The following FNBP1L variants were observed in gnomAD, a reference collection of about 807,000 sequenced individuals.
FNBP1L encodes the protein formin-binding protein 1-like.
In FNBP1L, 36 loss-of-function variants were observed where a neutral mutation model predicts 91.2. The observed-to-expected ratio is 0.39, with a 90% CI of 0.30 to 0.52. The LOEUF is 0.52. FNBP1L is among the 20% of genes least tolerant of loss of function. The probability of loss-of-function intolerance (pLI) is 0.66; values close to 1 mark genes in which losing one functional copy is unlikely to be tolerated. For synonymous variants in FNBP1L, 242 were observed against 237.0 expected, an observed-to-expected ratio of 1.02 and a Z score of -0.19; for missense variants, 571 against 732.1, an observed-to-expected ratio of 0.78 and a Z score of 2.54.
intron 1 of FNBP1L, among the ~76,000 whole-genome samples, chr1:93,491,717 G>T (rs1425915831): frequency 6.6e-6 from 1 of 152,174 alleles, no homozygotes. Flanking sequence ...TTTTAAAGCT[G>T]ATTGCTATTT....
At chr1:93,468,131 A>T (rs530828642) in intron 1 of FNBP1L, among the ~76,000 whole-genome samples, 1 of 152,252 alleles carries the variant, frequency 6.6e-6, no homozygotes, top group South Asian at 2.1e-4. Flanking sequence ...CCCCAGCCCT[A>T]GGAAACCACT....
At chr1:93,526,127 G>A (rs1038882303) in intron 5 of FNBP1L, among the ~76,000 whole-genome samples, 5 of 152,092 alleles carry the variant, frequency 3.3e-5, no homozygotes, top group African/African-American at 1.2e-4. Context: ...GGCAGTACTG[G>A]CATTTAAGAT....
intron 16 of FNBP1L, chr1:93,551,974 G>C: frequency 3.0e-6 from 3 of 990,354 alleles, no homozygotes; most frequent in Non-Finnish European, 3.6e-6. Context: ...GAAGATAGAG[G>C]AAACCTTGAA....
In FNBP1L at chr1:93,546,993, A is replaced by C; in HGVS notation, c.1407+19A>C. The C allele has an allele frequency of 1.2e-6, 2 of 1,600,416 alleles. No individual in the cohort carries two copies. The highest frequency in any genetic ancestry group is 2.3e-5 in the South Asian group (2 of 87,228). ...GAATGAGGTAGATTTGTTATTCAGC[A>C]CTTGTCAAGATAAATTATTTTTATA... On this transcript the variant is annotated intron_variant, in intron 13 of 16. Coordinates refer to ENST00000271234, the MANE Select transcript of FNBP1L (RefSeq NM_001164473.3).
chr1:93,531,045 C>T (rs958801952), intron 7 of FNBP1L, among the ~76,000 whole-genome samples, 162 bp downstream of exon 7: 11 of 152,148 alleles, frequency 7.2e-5, no homozygotes, highest in African/African-American at 2.7e-4. Context: ...TGTTTTCTAA[C>T]TTTTAAGTCA....
intron 2 of FNBP1L, among the ~76,000 whole-genome samples, chr1:93,514,622 C>T (rs1212518565): frequency 2.0e-5 from 3 of 152,200 alleles, no homozygotes; most frequent in Non-Finnish European, 4.4e-5. Flanking sequence ...CGCATGTCTA[C>T]AGCTATCTGA....
At chr1:93,468,670 G>A (rs998727422) in intron 1 of FNBP1L, among the ~76,000 whole-genome samples, 19 of 152,278 alleles carry the variant, frequency 1.2e-4, no homozygotes, top group African/African-American at 4.3e-4. Flanking sequence ...GGCTCAAGCA[G>A]TCTGCCTGCC....
At position 93,530,826 on chromosome 1, in the gene FNBP1L, A is replaced by G; in HGVS notation, c.582A>G (p.Gln194=). ...ENKNEYAAQL[Q]NFNGEQHKHF... ...AAAATGAATATGCTGCACAATTACA[A>G]AACTTTAATGGAGAACAACATAAAC... The change falls in exon 7 of 17, where the codon CAA becomes CAG. Residue 194 remains glutamine (Q), a synonymous_variant. Transcript: ENST00000271234. 2 of 1,567,028 alleles carry G rather than the reference A, an allele frequency of 1.3e-6. No homozygotes were observed. Among genetic ancestry groups the G allele is most frequent in the Middle Eastern group, 1.7e-4 (1 of 5,904 alleles).
chr1:93,465,773 C>A (rs1035117041), intron 1 of FNBP1L, among the ~76,000 whole-genome samples: 2 of 152,178 alleles, frequency 1.3e-5, no homozygotes, highest in African/African-American at 4.8e-5. Context: ...CTTGAGGAAT[C>A]GCCACACTGT....
At chr1:93,465,187 CT>C (rs1388926792) in intron 1 of FNBP1L, among the ~76,000 whole-genome samples, 1 of 18,916 alleles carries the variant, frequency 5.3e-5, no homozygotes, top group Non-Finnish European at 1.3e-4. Flanking sequence ...AGGGTTGTCT[CT>C]TTTTTGGGGG....
intron 2 of FNBP1L, among the ~76,000 whole-genome samples, chr1:93,508,074 G>A (rs550459295): frequency 1.1e-4 from 16 of 151,986 alleles, no homozygotes; most frequent in African/African-American, 3.9e-4. Flanking sequence ...GTTAGCCGGG[G>A]CGGTGGCTAA....
intron 15 of FNBP1L, among the ~76,000 whole-genome samples, chr1:93,550,526 G>A (rs1330080139): frequency 6.6e-6 from 1 of 152,152 alleles, no homozygotes; most frequent in Non-Finnish European, 1.5e-5. Flanking sequence ...TCTCCCTTCA[G>A]ACTCTCTTTT....
chr1:93,528,616 A>C (rs1357000214), intron 5 of FNBP1L, among the ~76,000 whole-genome samples: 1 of 152,170 alleles, frequency 6.6e-6, no homozygotes, highest in Non-Finnish European at 1.5e-5. Flanking sequence ...ACTAGGAAAT[A>C]GGACATCCAA....
chr1:93,549,472 A>G (rs763647653), intron 15 of FNBP1L, 46 bp downstream of exon 15: 22 of 1,423,790 alleles, frequency 1.5e-5, no homozygotes, highest in Non-Finnish European at 2.0e-5. Flanking sequence ...TTGGTTCTTT[A>G]AAAGTATTTA....
rs1442152391 is a variant in FNBP1L at position 93,448,123 on chromosome 1, C to T, written c.-159C>T. 8 of 882,990 alleles carry T rather than the reference C, an allele frequency of 9.1e-6. No individual in the cohort carries two copies. The highest frequency in any genetic ancestry group is 7.2e-5 in the African/African-American group (4 of 55,534). 54.7% of individuals were successfully genotyped at this position (882,990 alleles called of 1,614,324 possible). On this transcript the variant is annotated 5_prime_UTR_variant, in exon 1 of 17. Transcript: ENST00000271234. ...TCGGCGGCGGAGGCTTCTCCAGTCG[C>T]GTCTTTCTCACTCACTGGGGAGCCC...
intron 11 of FNBP1L, 139 bp from the exon 12 acceptor site, chr1:93,543,967 CT>C (rs528425418): frequency 0.013 from 6,018 of 454,156 alleles, 14 homozygotes; most frequent in Non-Finnish European, 0.016. Flanking sequence ...GTGTAGATTT[CT>C]TTTTTTTTTA....
chr1:93,477,952 C>CT lies in FNBP1L; in HGVS notation c.25-21515dup, dbSNP rs535107693. Among the ~76,000 whole-genome samples, 103 of 152,328 alleles carry CT rather than the reference C, an allele frequency of 6.8e-4. 1 individual carries two copies. The highest frequency in any genetic ancestry group is 1.1e-3 in the Non-Finnish European group (77 of 68,030). On this transcript the variant is annotated intron_variant, in intron 1 of 16. Transcript: ENST00000271234. ...TGTGAGTACCATCGATAGACACAGA[C>CT]TAATTCTGTGTTAGAAATAAACTTT... is the stretch of plus-strand genomic sequence containing the variant.
At chr1:93,455,609 G>A (rs1327998721) in intron 1 of FNBP1L, among the ~76,000 whole-genome samples, 1 of 152,290 alleles carries the variant, frequency 6.6e-6, no homozygotes, top group Non-Finnish European at 1.5e-5. Context: ...GGAGGTGAGA[G>A]GGTGTTCACT....
At chr1:93,516,325 G>C (rs779194789) in intron 2 of FNBP1L, among the ~76,000 whole-genome samples, 1 of 152,136 alleles carries the variant, frequency 6.6e-6, no homozygotes, top group Non-Finnish European at 1.5e-5. Flanking sequence ...GCAGTCAAAT[G>C]CTCTACCACC....
Sources: gnomAD v4.1 joint callset for allele counts (sites outside exome capture counted in the v4.1 genomes callset) on GRCh38, gnomAD v4.1.1 for gene constraint, MANE v1.5 for transcripts, NCBI Gene and HGNC (gene_info 2026-07-23, HGNC 2026-07-21) for gene names.